SLC5A7: variants seen among roughly 807,000 people sequenced by gnomAD.
SLC5A7 encodes solute carrier family 5 member 7, also known as high affinity choline transporter 1.
Under a neutral mutation model 55.4 loss-of-function variants are expected in SLC5A7, and 19 were observed. That is an observed-to-expected ratio of 0.34 (90% CI 0.24 to 0.50). The LOEUF (loss-of-function observed/expected upper bound fraction) is 0.50. Among genes scored for constraint, SLC5A7 ranks in the 20% least tolerant of loss-of-function variants. The pLI is 0.98. For synonymous variants in SLC5A7, 265 were observed against 263.7 expected, an observed-to-expected ratio of 1.00 and a Z score of -0.05; for missense variants, 506 against 705.3, an observed-to-expected ratio of 0.72 and a Z score of 3.20.
chr2:107,998,265 C>A (rs1677754743), intron 5 of SLC5A7, among the ~76,000 whole-genome samples: 1 of 152,190 alleles, frequency 6.6e-6, no homozygotes, highest in Non-Finnish European at 1.5e-5. Flanking sequence ...TATGCATGAT[C>A]TCCTTTTAGT....
rs1678362283 is a variant in SLC5A7, at chr2:108,012,266, C to T, written c.*1405C>T. The T allele has an allele frequency of 6.6e-6, 1 of 152,040 alleles. No individual in the cohort carries two copies. Among genetic ancestry groups the T allele is most frequent in the Non-Finnish European group, 1.5e-5 (1 of 68,012 alleles). The allele number at this position is 152,040 out of a possible 1,614,324, so 9.4% of individuals were successfully genotyped here. A position where few individuals can be genotyped will look rare whatever the true frequency, so the allele number is the denominator to read the frequency against. On this transcript the variant is annotated 3_prime_UTR_variant, in exon 9 of 9. Transcript: ENST00000264047. ...ATTATAGAAATTACTGGAGCCATGT[C>T]TACAAAAGCAAAGTGAAGTGATGAG...
Position 107,993,091 on chromosome 2 carries a change from G to A in SLC5A7, c.412G>A (p.Glu138Lys). 1 of 1,614,220 alleles carries A rather than the reference G, an allele frequency of 6.2e-7. No homozygotes were observed. The highest frequency in any genetic ancestry group is 8.5e-7 in the Non-Finnish European group (1 of 1,180,020). The change falls in exon 4 of 9, where the codon GAA becomes AAA. Residue 138 changes from glutamate to lysine, a missense_variant. Physicochemically the swap from Glu to Lys is moderately conservative, Grantham distance 56. Transcript: ENST00000264047. ...CCTGTTTATTCCTGCACTGATGGGA[G>A]AAATGTTCTGGGCTGCAGCAATTTT... ...GLLFIPALMGEMFWAAAIFSA... is the reference protein window; with the variant it reads ...GLLFIPALMGKMFWAAAIFSA...
At chr2:107,990,619 C>T (rs1001047668) in intron 2 of SLC5A7, among the ~76,000 whole-genome samples, 2 of 152,122 alleles carry the variant, frequency 1.3e-5, no homozygotes, top group African/African-American at 4.8e-5. Flanking sequence ...AAAGCTACAG[C>T]AAAGGTGGGA....
chr2:108,007,154 A>T (rs914678610), intron 7 of SLC5A7, among the ~76,000 whole-genome samples: 1 of 152,152 alleles, frequency 6.6e-6, no homozygotes, highest in African/African-American at 2.4e-5. Context: ...TGTTAATCCA[A>T]ATTCAAAGGC....
chr2:107,993,031 T>C lies in SLC5A7; in HGVS notation c.352T>C (p.Phe118Leu), dbSNP rs941654955. 5.0e-6 allele frequency: 8 copies of C among 1,614,108 alleles called. No homozygotes were observed. Among genetic ancestry groups the C allele is most frequent in the Non-Finnish European group, 6.8e-6 (8 of 1,180,036 alleles). Reference protein sequence around the residue: ...SKGYVTMLDPFQQIYGKRMGG... With the variant: ...SKGYVTMLDPLQQIYGKRMGG... ...GGGGTATGTGACCATGTTAGACCCGTTTCAGCAAATCTATGGAAAACGCAT... is the reference window on the plus strand; with the variant it reads ...GGGGTATGTGACCATGTTAGACCCGCTTCAGCAAATCTATGGAAAACGCAT... The change falls in exon 4 of 9, where the codon TTT becomes CTT. Residue 118 changes from phenylalanine to leucine, a missense_variant. Physicochemically the swap from Phe to Leu is conservative, Grantham distance 22. This residue lies in a region of SLC5A7 where 309 missense variants were observed against 478.6 expected (regional missense o/e 0.65). Coordinates refer to ENST00000264047, the MANE Select transcript of SLC5A7 (RefSeq NM_021815.5).
chr2:108,011,599 C>A lies in SLC5A7; in HGVS notation c.*738C>A, dbSNP rs748378431. On this transcript the variant is annotated 3_prime_UTR_variant, in exon 9 of 9. Coordinates refer to ENST00000264047, the MANE Select transcript of SLC5A7 (RefSeq NM_021815.5). Reference sequence around the variant, plus strand: ...CAGTACCTGAAGGATTATTAAGCAACCTTAAAGCAATAAGTTCATTAAACA... The same window carrying A: ...CAGTACCTGAAGGATTATTAAGCAAACTTAAAGCAATAAGTTCATTAAACA... The A allele has an allele frequency of 1.3e-5, 2 of 152,000 alleles. No individual in the cohort carries two copies. The highest frequency in any genetic ancestry group is 2.9e-5 in the Non-Finnish European group (2 of 67,986). The allele number at this position is 152,000 out of a possible 1,614,324, so 9.4% of individuals were successfully genotyped here. A position where few individuals can be genotyped will look rare whatever the true frequency, so the allele number is the denominator to read the frequency against.
intron 5 of SLC5A7, among the ~76,000 whole-genome samples, chr2:107,998,289 C>T (rs1010163994): frequency 6.6e-6 from 1 of 152,104 alleles, no homozygotes; most frequent in Non-Finnish European, 1.5e-5. Context: ...TAAGGCAATC[C>T]ATTTCCCTCG....
chr2:107,992,552 T>G (rs1020888992), intron 3 of SLC5A7, among the ~76,000 whole-genome samples: 21 of 152,200 alleles, frequency 1.4e-4, no homozygotes, highest in African/African-American at 4.3e-4. Context: ...CTGTGTTTCT[T>G]TTAGCAAGTC....
chr2:107,987,378 A>T (rs537949864), intron 1 of SLC5A7, among the ~76,000 whole-genome samples: 1 of 152,198 alleles, frequency 6.6e-6, no homozygotes, highest in African/African-American at 2.4e-5. Flanking sequence ...CAACAACAAA[A>T]CCTTTTCCTG....
chr2:107,994,261 A>C (rs1677570366), intron 4 of SLC5A7, among the ~76,000 whole-genome samples: 1 of 152,316 alleles, frequency 6.6e-6, no homozygotes, highest in Admixed American at 6.5e-5. Flanking sequence ...CCGAAACAAG[A>C]GTATTTGATC....
At chr2:107,992,306 A>G (rs1056158067) in intron 3 of SLC5A7, 87 bp downstream of exon 3, 1 of 712,380 alleles carries the variant, frequency 1.4e-6, no homozygotes, top group African/African-American at 1.8e-5. Flanking sequence ...CAAGTCAAAC[A>G]CTCTGAATAA....
intron 2 of SLC5A7, among the ~76,000 whole-genome samples, chr2:107,991,723 A>T (rs1677460810): frequency 6.6e-6 from 1 of 152,190 alleles, no homozygotes; most frequent in African/African-American, 2.4e-5. Context: ...AGACTATATT[A>T]CATATAATAT....
At chr2:107,991,572 C>A (rs1299723939) in intron 2 of SLC5A7, among the ~76,000 whole-genome samples, 1 of 152,126 alleles carries the variant, frequency 6.6e-6, no homozygotes, top group Non-Finnish European at 1.5e-5. Context: ...TACATTTCTA[C>A]AAACATACAC....
rs775122957 is a variant in SLC5A7 at position 108,008,623 on chromosome 2, A to G, written c.1054A>G (p.Ile352Val). 4 of 1,613,398 alleles carry G rather than the reference A, an allele frequency of 2.5e-6. No homozygotes were observed. Among genetic ancestry groups the G allele is most frequent in the Non-Finnish European group, 2.5e-6 (3 of 1,179,852 alleles). The part of the protein sequence containing the change: ...AAVMSSADSS[I>V]LSASSMFARN... ...TGTTATGTCATCAGCAGATTCTTCC[A>G]TCTTGTCAGCAAGTTCCATGTTTGC... Residue 352 changes from isoleucine (I) to valine (V), a missense_variant, in exon 8 of 9, where the codon ATC (isoleucine) becomes GTC (valine). Physicochemically the swap from Ile to Val is conservative, Grantham distance 29. Around this residue, in one of 4 missense-constraint regions of SLC5A7, gnomAD observed 309 missense variants for 478.6 expected, o/e 0.65. Transcript: ENST00000264047.
chr2:108,010,849 T>A lies in SLC5A7; in HGVS notation c.1731T>A (p.Asp577Glu), dbSNP rs766941461. The change falls in exon 9 of 9, where the codon GAT (aspartate) becomes GAA (glutamate). Residue 577 changes from aspartate (D) to glutamate (E), a missense_variant. Transcript: ENST00000264047. The part of the protein sequence containing the change: ...DSSPEGSGTE[D>E]NLQ ...GTCCAGAAGGGTCTGGGACTGAAGA[T>A]AATTTACAGTGACCCCATCTAAATA... The A allele has an allele frequency of 1.9e-6, 3 of 1,576,652 alleles. No homozygotes were observed. Among genetic ancestry groups the A allele is most frequent in the Non-Finnish European group, 8.6e-7 (1 of 1,168,328 alleles).
chr2:107,989,119 C>T (rs1677350696), intron 2 of SLC5A7, among the ~76,000 whole-genome samples: 1 of 152,070 alleles, frequency 6.6e-6, no homozygotes, highest in South Asian at 2.1e-4. Flanking sequence ...TCTTCTTGGT[C>T]GTTGAAAATA....
In SLC5A7 at chr2:108,011,819, T is replaced by A. The variant is rs982668625; in HGVS notation, c.*958T>A. ...GGCACACTGCTAAATTTACGTATAT[T>A]TCATTGAATACTTTATGGGAAGCCT... On this transcript the variant is annotated 3_prime_UTR_variant, in exon 9 of 9. Transcript: ENST00000264047. 1 of 152,166 alleles carries A rather than the reference T, an allele frequency of 6.6e-6. No individual in the cohort carries two copies. Among genetic ancestry groups the A allele is most frequent in the Non-Finnish European group, 1.5e-5 (1 of 68,018 alleles). 9.4% of individuals were successfully genotyped at this position (152,166 alleles called of 1,614,324 possible). A position where few individuals can be genotyped will look rare whatever the true frequency, so the allele number is the denominator to read the frequency against.
rs768553068 is a variant in SLC5A7, at chr2:107,988,249, A to G, written c.94A>G (p.Ser32Gly). The G allele has an allele frequency of 6.2e-7, 1 of 1,614,216 alleles. No homozygotes were observed. Among genetic ancestry groups the G allele is most frequent in the Non-Finnish European group, 8.5e-7 (1 of 1,180,022 alleles). ...GIWAAWRTKN[S>G]GSAEERSEAI... ...ATGGGCTGCCTGGAGAACCAAAAACAGTGGCAGCGCAGAAGAGCGCAGCGA... is the reference window on the plus strand; with the variant it reads ...ATGGGCTGCCTGGAGAACCAAAAACGGTGGCAGCGCAGAAGAGCGCAGCGA... The change falls in exon 2 of 9, where the codon AGT becomes GGT. Residue 32 changes from serine to glycine, a missense_variant. Around this residue, in one of 4 missense-constraint regions of SLC5A7, gnomAD observed 56 missense variants for 62.6 expected, o/e 0.89. Transcript: ENST00000264047.
chr2:107,989,611 A>G (rs1371718460), intron 2 of SLC5A7, among the ~76,000 whole-genome samples: 1 of 152,202 alleles, frequency 6.6e-6, no homozygotes, highest in Non-Finnish European at 1.5e-5. Flanking sequence ...AACCAAACAC[A>G]GGTCTCCGGT....
Sources: allele counts gnomAD v4.1 joint callset (sites outside exome capture counted in the v4.1 genomes callset), GRCh38; gene constraint gnomAD v4.1.1; regional missense constraint gnomAD v4.1.1; transcripts MANE v1.5; gene names NCBI Gene and HGNC (gene_info 2026-07-23, HGNC 2026-07-21).